The following MLXIPL variants were observed in gnomAD, a reference collection of about 807,000 sequenced individuals.
MLXIPL encodes carbohydrate-responsive element-binding protein.
A neutral mutation model predicts 81.5 loss-of-function variants in MLXIPL; 49 were observed. That is an observed-to-expected ratio of 0.60 (90% CI 0.48 to 0.76). MLXIPL has a LOEUF of 0.76. Ranked by LOEUF, MLXIPL falls within the 30% of genes least tolerant of loss-of-function variation. MLXIPL has a pLI of 0.00. For missense variants in MLXIPL, 1,053 were observed against 1,167.0 expected (o/e 0.90, Z 1.42); for synonymous variants, 466 against 485.5 (o/e 0.96, Z 0.53).
In MLXIPL at chr7:73,596,501, C is replaced by T; in HGVS notation, c.1823-22G>A. 1 of 1,612,566 alleles carries T rather than the reference C, an allele frequency of 6.2e-7. No homozygotes were observed. The highest frequency in any genetic ancestry group is 1.7e-5 in the Admixed American group (1 of 59,982). On this transcript the variant is annotated intron_variant, in intron 11 of 16. Transcript: ENST00000313375. This position sits in a 1 kb window ranked among gnomAD's most constrained non-coding sequence, Gnocchi z 4.7. The stretch of plus-strand genomic sequence containing the variant: ...CTGCCTGTGGTAGGGACAGACAGAC[C>T]CACAGAAAGACCGACCCAGGGGAAA...
At chr7:73,615,659 A>C (rs1222778392) in intron 2 of MLXIPL, among the ~76,000 whole-genome samples, 2 of 152,030 alleles carry the variant, frequency 1.3e-5, no homozygotes, top group Non-Finnish European at 2.9e-5. Context: ...TCACGCCTGT[A>C]ATCCCAGCAC....
At chr7:73,630,285 C>CTTTTTTTTT in the MLXIPL span, among the ~76,000 whole-genome samples, 4 of 97,872 alleles carry the variant, frequency 4.1e-5, 1 homozygote, top group Non-Finnish European at 5.5e-5. Flanking sequence ...GCCAGCTTGT[C>CTTTTTTTTT]TTTTTTTTTT....
At chr7:73,615,953 A>G in intron 2 of MLXIPL, 118 bp downstream of exon 2, 1 of 710,490 alleles carries the variant, frequency 1.4e-6, no homozygotes, top group Non-Finnish European at 2.5e-6. Context: ...GAACTCTGCT[A>G]GTGCTGGCCT....
chr7:73,621,809 C>G (rs1307592742), intron 1 of MLXIPL, among the ~76,000 whole-genome samples: 1 of 106,052 alleles, frequency 9.4e-6, no homozygotes, highest in Non-Finnish European at 2.0e-5. Context: ...TTCCCTCTCC[C>G]TCCCTCCATC....
At position 73,595,927 on chromosome 7, in the gene MLXIPL, G is replaced by A. The variant is rs1208352820; in HGVS notation, c.2101C>T (p.Leu701Phe). The part of the protein sequence containing the change: ...TTLQKTAEYI[L>F]MLQQERAGLQ... The stretch of plus-strand genomic sequence containing the variant: ...CCCGCACGCTCCTGCTGTAGCATAA[G>A]GATGTACTCAGCTGTCTTCTGCAGC... Residue 701 changes from leucine to phenylalanine, a missense_variant, in exon 14 of 17, where the codon CTT (leucine) becomes TTT (phenylalanine). Physicochemically the swap from Leu to Phe is conservative, Grantham distance 22 (BLOSUM62 0). Around this residue, in one of 3 missense-constraint regions of MLXIPL, gnomAD observed 823 missense variants for 933.0 expected, o/e 0.88. Coordinates refer to ENST00000313375, the MANE Select transcript of MLXIPL (RefSeq NM_032951.3). The A allele has an allele frequency of 2.5e-6, 4 of 1,613,220 alleles. No individual in the cohort carries two copies. The highest frequency in any genetic ancestry group is 2.7e-5 in the African/African-American group (2 of 74,926).
chr7:73,596,692 G>C lies in MLXIPL; in HGVS notation c.1769C>G (p.Ser590Cys). The C allele has an allele frequency of 6.3e-7, 1 of 1,589,792 alleles. No individual in the cohort carries two copies. The highest frequency in any genetic ancestry group is 1.1e-5 in the South Asian group (1 of 87,622). Residue 590 changes from serine (S) to cysteine (C), a missense_variant, in exon 11 of 17, where the codon TCC (serine) becomes TGC (cysteine). By Grantham distance (112) the Ser-to-Cys change is moderately radical. Transcript: ENST00000313375. The surrounding 1 kb of genome is among the most constrained non-coding windows in gnomAD (Gnocchi z 4.7). Reference protein sequence around the residue: ...PPPGPATLAPSRPLLVPKAER... With the variant: ...PPPGPATLAPCRPLLVPKAER... ...CGCTTTGGGGACAAGCAGGGGCCTG[G>C]AAGGGGCCAATGTGGCCGGGCCTGG...
chr7:73,593,511 C>T lies in MLXIPL; in HGVS notation c.*354G>A, dbSNP rs1290272320. The T allele has an allele frequency of 1.8e-5, 6 of 331,480 alleles. No individual in the cohort carries two copies. Among genetic ancestry groups the T allele is most frequent in the African/African-American group, 6.4e-5 (3 of 46,758 alleles). The allele number at this position is 331,480 out of a possible 1,614,324, so 20.5% of individuals were successfully genotyped here. A position where few individuals can be genotyped will look rare whatever the true frequency, so the allele number is the denominator to read the frequency against. ...CCTCCTCTTTCCACCGTTGAGCCCC[C>T]GGAGTTGCCAGCCTAGGCCCCCAAT... On this transcript the variant is annotated 3_prime_UTR_variant, in exon 17 of 17. Coordinates refer to ENST00000313375, the MANE Select transcript of MLXIPL (RefSeq NM_032951.3).
the MLXIPL span, among the ~76,000 whole-genome samples, chr7:73,647,894 C>A: frequency 6.6e-6 from 1 of 151,126 alleles, no homozygotes; most frequent in East Asian, 1.9e-4. Context: ...TCCGCGCGGG[C>A]GGCAGAGGGC....
At chr7:73,617,344 C>T (rs1310727551) in intron 1 of MLXIPL, among the ~76,000 whole-genome samples, 2 of 152,012 alleles carry the variant, frequency 1.3e-5, no homozygotes, top group African/African-American at 4.8e-5. Flanking sequence ...TAGAGAGTGG[C>T]AGTCACTGCC....
chr7:73,617,508 A>T (rs780616250), intron 1 of MLXIPL, among the ~76,000 whole-genome samples: 18 of 152,104 alleles, frequency 1.2e-4, no homozygotes, highest in Non-Finnish European at 8.8e-5. Context: ...AATGGTATTC[A>T]TGGAGACAGA....
At chr7:73,634,556 T>A in the MLXIPL span, among the ~76,000 whole-genome samples, 1 of 151,838 alleles carries the variant, frequency 6.6e-6, no homozygotes. Context: ...CATGCCTGGC[T>A]AGTTTTTGTA....
chr7:73,639,251 G>A, the MLXIPL span, among the ~76,000 whole-genome samples: 93 of 152,316 alleles, frequency 6.1e-4, no homozygotes, highest in Admixed American at 4.4e-3. Context: ...TGGATGATAA[G>A]TAACATGGGA....
chr7:73,603,428 G>A (rs1270982636), intron 7 of MLXIPL, among the ~76,000 whole-genome samples: 3 of 152,136 alleles, frequency 2.0e-5, no homozygotes, highest in Non-Finnish European at 4.4e-5. Flanking sequence ...AGACAGGGCC[G>A]CTGCCCTCCC....
Position 73,597,166 on chromosome 7 carries a change from C to G in MLXIPL, c.1603+16G>C. On this transcript the variant is annotated intron_variant, in intron 9 of 16. Coordinates refer to ENST00000313375, the MANE Select transcript of MLXIPL (RefSeq NM_032951.3). ...CTCCCTCCCCAGGCTTTCCTCTCCC[C>G]GTTGCTGGCCCTCACCTGCTGTGAG... The G allele has an allele frequency of 3.1e-6, 5 of 1,594,936 alleles. No homozygotes were observed. In the South Asian group the frequency reaches 3.4e-5, roughly 11 times the overall value.
chr7:73,615,973 C>T (rs574207673), intron 2 of MLXIPL, 98 bp downstream of exon 2: 7 of 965,676 alleles, frequency 7.2e-6, no homozygotes, highest in Admixed American at 3.7e-5. Flanking sequence ...TTGAGGACCC[C>T]GGGGATTTTC....
chr7:73,616,780 G>A (rs1168749607), intron 1 of MLXIPL, among the ~76,000 whole-genome samples: 7 of 151,108 alleles, frequency 4.6e-5, no homozygotes, highest in South Asian at 4.2e-4. Context: ...CCTGGGAGGC[G>A]GAGGTTGCAG....
At chr7:73,606,738 T>A in intron 5 of MLXIPL, 1 of 541,896 alleles carries the variant, frequency 1.8e-6, no homozygotes, top group Non-Finnish European at 3.4e-6. Flanking sequence ...GTCCCTCTGT[T>A]CTCCCATGCC....
intron 2 of MLXIPL, 119 bp downstream of exon 2, chr7:73,615,952 T>C: frequency 1.4e-6 from 1 of 707,502 alleles, no homozygotes; most frequent in Non-Finnish European, 2.6e-6. Context: ...AGAACTCTGC[T>C]AGTGCTGGCC....
chr7:73,635,564 C>T, the MLXIPL span, among the ~76,000 whole-genome samples: 18 of 151,630 alleles, frequency 1.2e-4, no homozygotes, highest in Admixed American at 2.0e-4. Flanking sequence ...TCCATCCATC[C>T]ACCCATCTCT....
Sources: gnomAD v4.1 joint callset for allele counts (sites outside exome capture counted in the v4.1 genomes callset) on GRCh38, gnomAD v4.1.1 for gene constraint, gnomAD v4.1.1 regional missense constraint, Gnocchi (gnomAD v3.1) non-coding constraint, MANE v1.5 for transcripts, NCBI Gene and HGNC (gene_info 2026-07-23, HGNC 2026-07-21) for gene names.